The following NLRC4 variants were observed in gnomAD, a reference collection of about 807,000 sequenced individuals.
NLRC4 encodes NLR family CARD domain-containing protein 4.
NLRC4 carries 63 observed loss-of-function variants against 79.9 expected under a neutral mutation model. The observed-to-expected ratio is 0.79, with a 90% confidence interval of 0.64 to 0.97. The LOEUF is 0.97. Among genes scored for constraint, NLRC4 ranks in the 50% least tolerant of loss-of-function variants. The probability of loss-of-function intolerance (pLI) is 0.00; values close to 1 mark genes in which losing one functional copy is unlikely to be tolerated. For synonymous variants in NLRC4, 461 were observed against 456.5 expected (o/e 1.01, Z -0.12); for missense variants, 1,074 against 1,215.2 (o/e 0.88, Z 1.73).
chr2:32,232,673 C>T (rs1478735799), intron 8 of NLRC4, among the ~76,000 whole-genome samples: 1 of 152,096 alleles, frequency 6.6e-6, no homozygotes, highest in Non-Finnish European at 1.5e-5. Flanking sequence ...AGAATGTTTG[C>T]AGGGATGGAA....
chr2:32,234,274 C>T (rs894726675), intron 8 of NLRC4, among the ~76,000 whole-genome samples: 3 of 151,358 alleles, frequency 2.0e-5, no homozygotes, highest in East Asian at 3.9e-4. Flanking sequence ...CCCAGCTCCT[C>T]GGGAGGCTGA....
At chr2:32,260,238 G>GAAAAAAAAAAAAAAAAAAAAAAA in intron 1 of NLRC4, among the ~76,000 whole-genome samples, 1 of 117,910 alleles carries the variant, frequency 8.5e-6, no homozygotes. Flanking sequence ...AAAAAACAAC[G>GAAAAAAAAAAAAAAAAAAAAAAA]AAAAAAAAAA....
At chr2:32,236,774 A>G (rs1039243572) in intron 6 of NLRC4, among the ~76,000 whole-genome samples, 5 of 152,304 alleles carry the variant, frequency 3.3e-5, no homozygotes, top group African/African-American at 1.2e-4. Context: ...CAAAAATGAA[A>G]TGAGCTGGTT....
At chr2:32,262,643 G>A (rs1205184045) in intron 1 of NLRC4, among the ~76,000 whole-genome samples, 1 of 152,070 alleles carries the variant, frequency 6.6e-6, no homozygotes, top group East Asian at 1.9e-4. Flanking sequence ...AGGCGTGGAG[G>A]TGCACACCTG....
intron 3 of NLRC4, 126 bp from the exon 4 acceptor site, chr2:32,251,727 A>G: frequency 1.5e-6 from 1 of 655,026 alleles, no homozygotes; most frequent in Non-Finnish European, 2.7e-6. Context: ...GTCCTTTCCC[A>G]GTTCTGAGCT....
intron 8 of NLRC4, among the ~76,000 whole-genome samples, chr2:32,233,526 T>G (rs1686603445): frequency 6.6e-6 from 1 of 151,778 alleles, no homozygotes; most frequent in Non-Finnish European, 1.5e-5. Context: ...CTTCTGAATT[T>G]CTTCATTGGC....
intron 8 of NLRC4, among the ~76,000 whole-genome samples, chr2:32,234,558 T>C (rs1686628696): frequency 6.6e-6 from 1 of 152,226 alleles, no homozygotes; most frequent in Admixed American, 6.5e-5. Context: ...CTCCTTGTAT[T>C]AATGTTTCCA....
At chr2:32,242,360 C>A (rs1278536095) in intron 4 of NLRC4, among the ~76,000 whole-genome samples, 1 of 152,016 alleles carries the variant, frequency 6.6e-6, no homozygotes, top group African/African-American at 2.4e-5. Flanking sequence ...ATTAAAAGGA[C>A]AATTAGAGAA....
rs115422190 is a variant in NLRC4 at position 32,240,021 on chromosome 2, C to A, written c.2350+1012G>T. Among the ~76,000 whole-genome samples, 376 of 152,298 alleles carry A rather than the reference C, an allele frequency of 2.5e-3. 1 individual carries two copies. Among genetic ancestry groups the A allele is most frequent in the African/African-American group, 8.8e-3 (364 of 41,560 alleles). On this transcript the variant is annotated intron_variant, in intron 5 of 8. Coordinates refer to ENST00000402280, the MANE Select transcript of NLRC4 (RefSeq NM_001199138.2). ...TTCAAGATGGAGTCTATCTCTGTCA[C>A]CGAGGCTGGAGTGCAGTGGAGCAAT...
intron 1 of NLRC4, among the ~76,000 whole-genome samples, chr2:32,262,324 A>G (rs1687372269): frequency 6.6e-6 from 1 of 152,216 alleles, no homozygotes; most frequent in African/African-American, 2.4e-5. Context: ...GAATCACACC[A>G]TCCCTGACTG....
chr2:32,236,192 G>A (rs1686668541), intron 7 of NLRC4, 55 bp downstream of exon 7: 6 of 1,105,914 alleles, frequency 5.4e-6, no homozygotes, highest in Non-Finnish European at 6.7e-6. Flanking sequence ...TATGTATTTC[G>A]ACTACCCAGT....
chr2:32,265,639 C>T (rs1573511577), upstream of NLRC4: 1 of 152,426 alleles, frequency 6.6e-6, no homozygotes, highest in African/African-American at 2.4e-5. Flanking sequence ...TCTCAGTCAG[C>T]AGGGTTCTGG....
At chr2:32,236,767 AAATG>A (rs1353039985) in intron 6 of NLRC4, among the ~76,000 whole-genome samples, 10 of 152,344 alleles carry the variant, frequency 6.6e-5, no homozygotes, top group African/African-American at 2.2e-4. Flanking sequence ...ACAACAACAA[AAATG>A]AAATGAGCTG....
At chr2:32,255,192 T>C (rs1003179190) in intron 2 of NLRC4, among the ~76,000 whole-genome samples, 6 of 151,080 alleles carry the variant, frequency 4.0e-5, no homozygotes, top group African/African-American at 1.5e-4. Context: ...CCTCTAAGTC[T>C]GTGTCCCATT....
rs1248462144 is a variant in NLRC4 at position 32,264,755 on chromosome 2, T to C, written c.-136A>G. ...CACAGTACCTGGCTGAGCAATCCAA[T>C]TGCCCTCTTCTTGGGAGACCAAGAC... On this transcript the variant is annotated 5_prime_UTR_variant, in exon 1 of 9. Transcript: ENST00000402280. 1 of 152,142 alleles carries C rather than the reference T, an allele frequency of 6.6e-6. No individual in the cohort carries two copies. Among genetic ancestry groups the C allele is most frequent in the Non-Finnish European group, 1.5e-5 (1 of 68,034 alleles). 9.4% of individuals were successfully genotyped at this position (152,142 alleles called of 1,614,324 possible).
At chr2:32,243,921 C>G (rs895304811) in intron 4 of NLRC4, among the ~76,000 whole-genome samples, 1 of 151,644 alleles carries the variant, frequency 6.6e-6, no homozygotes, top group Non-Finnish European at 1.5e-5. Context: ...AGTAAAACTA[C>G]GTGATCCCAT....
chr2:32,229,866 G>A (rs1419468109), intron 8 of NLRC4, among the ~76,000 whole-genome samples: 2 of 152,204 alleles, frequency 1.3e-5, no homozygotes, highest in Non-Finnish European at 2.9e-5. Flanking sequence ...CAGATGCAAT[G>A]AGTAGAAAGT....
chr2:32,246,017 G>C (rs778354546), intron 4 of NLRC4, among the ~76,000 whole-genome samples: 10 of 151,656 alleles, frequency 6.6e-5, no homozygotes, highest in Non-Finnish European at 1.2e-4. Flanking sequence ...AACCCCGTCT[G>C]TACTAAAAAT....
At chr2:32,232,009 A>G (rs981052771) in intron 8 of NLRC4, among the ~76,000 whole-genome samples, 3 of 152,222 alleles carry the variant, frequency 2.0e-5, no homozygotes, top group Non-Finnish European at 4.4e-5. Flanking sequence ...GTTTCAAGGA[A>G]TACTGGTCAG....
Sources: allele counts gnomAD v4.1 joint callset (sites outside exome capture counted in the v4.1 genomes callset), GRCh38; gene constraint gnomAD v4.1.1; transcripts MANE v1.5; gene names NCBI Gene and HGNC (gene_info 2026-07-23, HGNC 2026-07-21).